PLCL1: variants seen among roughly 807,000 people sequenced by gnomAD.
The protein encoded by PLCL1 is inactive phospholipase C-like protein 1.
A neutral mutation model predicts 84.4 loss-of-function variants in PLCL1; 41 were observed. The ratio of observed to expected loss-of-function variants is 0.49; its 90% CI spans 0.38 to 0.63. PLCL1 has a LOEUF of 0.63. Among genes scored for constraint, PLCL1 ranks in the 30% least tolerant of loss-of-function variants. The probability of loss-of-function intolerance (pLI) is 0.00; values close to 1 mark genes in which losing one functional copy is unlikely to be tolerated. For synonymous variants in PLCL1, 490 were observed against 488.3 expected (o/e 1.00, Z -0.05); for missense variants, 1,206 against 1,367.8 (o/e 0.88, Z 1.87).
In PLCL1 at chr2:198,085,802, C is replaced by A; in HGVS notation, c.2285C>A (p.Ser762Ter). ...ATACACGGAATTCCAGCGGATTGTT[C>A]GGAACAAAGAACTAAAACTGTACAG... ...IEIHGIPADCSEQRTKTVQQN... is the reference protein window; with the variant it reads ...IEIHGIPADC The change falls in exon 2 of 6, where the codon TCG becomes TAG. Residue 762 changes from serine to a stop codon, truncating the protein, a stop_gained. Transcript: ENST00000428675. LOFTEE classifies it high-confidence loss of function. This position sits in a 1 kb window ranked among gnomAD's most constrained non-coding sequence, Gnocchi z 5.3. 1 of 1,613,974 alleles carries A rather than the reference C, an allele frequency of 6.2e-7. No individual in the cohort carries two copies. The highest frequency in any genetic ancestry group is 8.5e-7 in the Non-Finnish European group (1 of 1,179,936).
intron 1 of PLCL1, among the ~76,000 whole-genome samples, chr2:198,006,760 T>C (rs1397162799): frequency 6.6e-6 from 1 of 152,180 alleles, no homozygotes; most frequent in Non-Finnish European, 1.5e-5. Context: ...TAGAGCATTT[T>C]TCTTACTTTA....
chr2:198,046,545 CA>C (rs1212378827), intron 1 of PLCL1, among the ~76,000 whole-genome samples: 1 of 152,124 alleles, frequency 6.6e-6, no homozygotes. Context: ...ATGATAGTAT[CA>C]AAAAACCCTT....
At chr2:197,988,076 G>A (rs1328221849) in intron 1 of PLCL1, among the ~76,000 whole-genome samples, 2 of 152,092 alleles carry the variant, frequency 1.3e-5, no homozygotes, top group African/African-American at 4.8e-5. Context: ...AAACTGGGAT[G>A]AGTGGATGCA....
At chr2:198,091,861 T>G (rs1693051247) in intron 3 of PLCL1, among the ~76,000 whole-genome samples, 1 of 152,104 alleles carries the variant, frequency 6.6e-6, no homozygotes, top group Non-Finnish European at 1.5e-5. Context: ...ACAAGGTCAT[T>G]TATGATTTGC....
intron 1 of PLCL1, among the ~76,000 whole-genome samples, chr2:197,929,003 A>G (rs1054597776): frequency 6.6e-6 from 1 of 152,142 alleles, no homozygotes; most frequent in African/African-American, 2.4e-5. Context: ...CAACTTTTCT[A>G]TAATGAAAAC....
chr2:197,916,368 A>C (rs1688600880), intron 1 of PLCL1, among the ~76,000 whole-genome samples: 1 of 152,214 alleles, frequency 6.6e-6, no homozygotes, highest in Non-Finnish European at 1.5e-5. Context: ...CTCTGGATTC[A>C]GTAGTGGCTC....
chr2:198,078,750 T>C (rs907931832), intron 1 of PLCL1, among the ~76,000 whole-genome samples: 1 of 152,128 alleles, frequency 6.6e-6, no homozygotes, highest in Admixed American at 6.6e-5. Flanking sequence ...AAAGTATATG[T>C]GATGATATAA....
At chr2:197,978,920 C>T (rs890778516) in intron 1 of PLCL1, among the ~76,000 whole-genome samples, 1 of 152,226 alleles carries the variant, frequency 6.6e-6, no homozygotes, top group Non-Finnish European at 1.5e-5. Flanking sequence ...TGCAACTCCA[C>T]ACAGACAATG....
intron 1 of PLCL1, among the ~76,000 whole-genome samples, chr2:197,983,788 CT>C (rs1690166434): frequency 6.6e-6 from 1 of 152,188 alleles, no homozygotes; most frequent in Non-Finnish European, 1.5e-5. Flanking sequence ...GGTCTGGAGC[CT>C]TCTGCCATTT....
intron 1 of PLCL1, among the ~76,000 whole-genome samples, chr2:198,010,529 G>A (rs959023974): frequency 1.3e-5 from 2 of 151,722 alleles, no homozygotes; most frequent in African/African-American, 4.8e-5. Flanking sequence ...ATCATGGTGT[G>A]ATCAACGTGT....
chr2:197,842,931 A>C (rs1687039507), intron 1 of PLCL1, among the ~76,000 whole-genome samples: 1 of 152,212 alleles, frequency 6.6e-6, no homozygotes, highest in Non-Finnish European at 1.5e-5. Context: ...AATAGGAAAG[A>C]ATCCAAATTT....
chr2:198,114,795 A>ATG (rs397715153), intron 5 of PLCL1, among the ~76,000 whole-genome samples: 55 of 150,520 alleles, frequency 3.7e-4, no homozygotes, highest in African/African-American at 9.7e-4. Context: ...ACTTCTCTGA[A>ATG]TGTGTGTGTG....
intron 5 of PLCL1, among the ~76,000 whole-genome samples, chr2:198,108,781 C>T (rs1693549508): frequency 6.6e-6 from 1 of 151,940 alleles, no homozygotes; most frequent in African/African-American, 2.4e-5. Context: ...ATTCTAGCAC[C>T]TACGTGGGTC....
chr2:197,861,761 G>T (rs1001345686), intron 1 of PLCL1, among the ~76,000 whole-genome samples: 1 of 152,092 alleles, frequency 6.6e-6, no homozygotes, highest in East Asian at 1.9e-4. Flanking sequence ...TTGGTGTATG[G>T]GGGGGAACCC....
intron 1 of PLCL1, among the ~76,000 whole-genome samples, chr2:197,973,854 G>T (rs141166568): frequency 8.6e-4 from 131 of 152,332 alleles, no homozygotes; most frequent in African/African-American, 3.0e-3. Context: ...GAGAATGATA[G>T]GCCCTGATTT....
chr2:197,914,072 A>T (rs1444357815), intron 1 of PLCL1, among the ~76,000 whole-genome samples: 2 of 152,178 alleles, frequency 1.3e-5, no homozygotes, highest in African/African-American at 4.8e-5. Flanking sequence ...GAGTTGAAGC[A>T]TTTGTAGTAA....
chr2:197,923,501 G>A (rs1373994814), intron 1 of PLCL1, among the ~76,000 whole-genome samples: 51 of 140,388 alleles, frequency 3.6e-4, no homozygotes, highest in Admixed American at 1.7e-3. Flanking sequence ...GGGCAGAGGC[G>A]CTCCTCACAT....
chr2:198,002,414 T>C lies in PLCL1; in HGVS notation c.241-81344T>C, dbSNP rs538573749. On this transcript the variant is annotated intron_variant, in intron 1 of 5. Coordinates refer to ENST00000428675, the MANE Select transcript of PLCL1 (RefSeq NM_006226.4). ...TTTTAATAAATAGTGACAAATAATT[T>C]TCCAAAGTGTTTGTACCAATTTACA... 2.0e-4 allele frequency among the ~76,000 whole-genome samples: 31 copies of C among 152,328 alleles called. No homozygotes were observed. The Middle Eastern group carries it at 0.01, about 50-fold the overall frequency.
intron 1 of PLCL1, among the ~76,000 whole-genome samples, chr2:197,931,983 G>A (rs895944046): frequency 2.0e-5 from 3 of 152,128 alleles, no homozygotes; most frequent in African/African-American, 7.2e-5. Flanking sequence ...CCTGCATAGA[G>A]CAGAACTGGA....
Sources: gnomAD v4.1 joint callset for allele counts (sites outside exome capture counted in the v4.1 genomes callset) on GRCh38, gnomAD v4.1.1 for gene constraint, Gnocchi (gnomAD v3.1) non-coding constraint, MANE v1.5 for transcripts, NCBI Gene and HGNC (gene_info 2026-07-23, HGNC 2026-07-21) for gene names.